The following P4HA3 variants were observed in gnomAD, a reference collection of about 807,000 sequenced individuals.
P4HA3 encodes prolyl 4-hydroxylase subunit alpha 3.
In P4HA3, 60 loss-of-function variants were observed where a neutral mutation model predicts 66.7. That is an observed-to-expected ratio of 0.90 (90% CI 0.73 to 1.12). The LOEUF is 1.12. Ranked by LOEUF, P4HA3 falls within the 50% of genes most tolerant of loss-of-function variation. The pLI, the probability that P4HA3 is intolerant of heterozygous loss-of-function variation, is 0.00. For synonymous variants in P4HA3, 263 were observed against 274.6 expected, an observed-to-expected ratio of 0.96 and a Z score of 0.42; for missense variants, 683 against 685.8, an observed-to-expected ratio of 1.00 and a Z score of 0.05.
intron 1 of P4HA3, among the ~76,000 whole-genome samples, chr11:74,305,811 A>G (rs575556606): frequency 6.6e-6 from 1 of 152,322 alleles, no homozygotes; most frequent in East Asian, 1.9e-4. Flanking sequence ...AGAATGAAGT[A>G]TACTCTCCTA....
chr11:74,252,549 G>A, intron 15 of P4HA3: 1 of 454,790 alleles, frequency 2.2e-6, no homozygotes, highest in Non-Finnish European at 4.4e-6. Flanking sequence ...GATCCTGGAA[G>A]CTCTAGAGCA....
At position 74,311,410 on chromosome 11, in the gene P4HA3, A is replaced by G; in HGVS notation, c.200+2T>C. On this transcript the variant is annotated splice_donor_variant, in intron 1 of 12. Coordinates refer to ENST00000331597, the MANE Select transcript of P4HA3 (RefSeq NM_182904.5). LOFTEE classifies it high-confidence loss of function. Reference sequence around the variant, plus strand: ...GGTCGCTCCCACTCGTCGTGCCCTCACCTAGTCAGGTCCCGCAGCCGCGCC... The same window carrying G: ...GGTCGCTCCCACTCGTCGTGCCCTCGCCTAGTCAGGTCCCGCAGCCGCGCC... 1 of 1,511,936 alleles carries G rather than the reference A, an allele frequency of 6.6e-7. No homozygotes were observed. The highest frequency in any genetic ancestry group is 8.8e-7 in the Non-Finnish European group (1 of 1,137,838). 93.7% of individuals were successfully genotyped at this position (1,511,936 alleles called of 1,614,324 possible).
intron 4 of P4HA3, 74 bp from the exon 5 acceptor site, chr11:74,289,204 TAAA>T: frequency 1.8e-5 from 16 of 875,682 alleles, no homozygotes; most frequent in Admixed American, 1.2e-4. Flanking sequence ...ACCATTAAAT[TAAA>T]AAAAAAAAAA....
rs779643516 is a variant in P4HA3, at chr11:74,286,270, G to T, written c.891C>A (p.Thr297=). The T allele has an allele frequency of 7.4e-6, 12 of 1,613,046 alleles. No homozygotes were observed. In the South Asian group the frequency reaches 1.1e-4, roughly 15 times the overall value. ...GACATAGCCCCTCGTAGGTGTCTCTGGTCTGCAGGTGGGGTATATTGGGCC... is the reference window on the plus strand; with the variant it reads ...GACATAGCCCCTCGTAGGTGTCTCTTGTCTGCAGGTGGGGTATATTGGGCC... ...IQRPNIPHLQ[T]RDTYEGLCQT... The change falls in exon 6 of 13, where the codon ACC becomes ACA. Residue 297 remains threonine, a synonymous_variant. Transcript: ENST00000331597.
In P4HA3 at chr11:74,253,587, G is replaced by A. The variant is rs1859760320; in HGVS notation, c.*1319-5586C>T. 3 of 1,479,820 alleles carry A rather than the reference G, an allele frequency of 2.0e-6. No homozygotes were observed. The East Asian group carries it at 6.8e-5, about 33-fold the overall frequency. 91.7% of individuals were successfully genotyped at this position (1,479,820 alleles called of 1,614,324 possible). ...CACCAGAGGCCACTGTGATGCCACT[G>A]TCTCCTCTCCATCCCGCCCAGCCAT... On this transcript the variant is annotated intron_variant and NMD_transcript_variant, in intron 15 of 15. Coordinates refer to the P4HA3 transcript ENST00000524388.
chr11:74,300,059 T>C (rs77231588), intron 3 of P4HA3, among the ~76,000 whole-genome samples: 1 of 152,212 alleles, frequency 6.6e-6, no homozygotes. Context: ...AGTATAGGGT[T>C]TGAATCTGCA....
At chr11:74,309,310 T>C (rs1318090107) in intron 1 of P4HA3, among the ~76,000 whole-genome samples, 1 of 152,178 alleles carries the variant, frequency 6.6e-6, no homozygotes, top group Non-Finnish European at 1.5e-5. Context: ...AGATGAGATA[T>C]GGTTTGTATG....
intron 7 of P4HA3, among the ~76,000 whole-genome samples, chr11:74,284,039 C>T (rs1481150796): frequency 6.6e-6 from 1 of 152,248 alleles, no homozygotes; most frequent in Non-Finnish European, 1.5e-5. Context: ...GTCTGGCACA[C>T]AGTGGGCTCT....
chr11:74,252,773 A>G lies in P4HA3; in HGVS notation c.*1319-4772T>C, dbSNP rs147690275. 3.3e-3 allele frequency among the ~76,000 whole-genome samples: 497 copies of G among 152,276 alleles called. 1 individual carries two copies. Among genetic ancestry groups the G allele is most frequent in the Admixed American group, 6.7e-3 (102 of 15,300 alleles). On this transcript the variant is annotated intron_variant and NMD_transcript_variant, in intron 15 of 15. Transcript: ENST00000524388. Reference sequence around the variant, plus strand: ...GCAAAAATTCCCCCTCTATTGGTCTAGAGGAAGAAACAGGGCCAGGTCTCT... The same window carrying G: ...GCAAAAATTCCCCCTCTATTGGTCTGGAGGAAGAAACAGGGCCAGGTCTCT...
In P4HA3 at chr11:74,302,543, C is replaced by A. The variant is rs1159720229; in HGVS notation, c.393G>T (p.Glu131Asp). 5 of 1,614,212 alleles carry A rather than the reference C, an allele frequency of 3.1e-6. No individual in the cohort carries two copies. The highest frequency in any genetic ancestry group is 4.2e-6 in the Non-Finnish European group (5 of 1,180,028). ...EKVEQDLPAF[E>D]DLEGAARALM... is the part of the protein sequence containing the mutation. ...GGGCCCTTGCTGCTCCCTCAAGGTC[C>A]TCAAAGGCTGGAAGGTCTTGCTCCA... The change falls in exon 3 of 13, where the codon GAG becomes GAT. Residue 131 changes from glutamate to aspartate, a missense_variant. By Grantham distance (45) the Glu-to-Asp change is conservative (BLOSUM62 2). Coordinates refer to ENST00000331597, the MANE Select transcript of P4HA3 (RefSeq NM_182904.5).
At chr11:74,295,783 A>G (rs952851085) in intron 4 of P4HA3, among the ~76,000 whole-genome samples, 5 of 152,146 alleles carry the variant, frequency 3.3e-5, no homozygotes, top group African/African-American at 7.2e-5. Context: ...GGACAAATAC[A>G]TTGTTTCTAA....
chr11:74,252,636 G>A (rs1859732324), intron 15 of P4HA3: 1 of 422,526 alleles, frequency 2.4e-6, no homozygotes, highest in African/African-American at 2.0e-5. Flanking sequence ...TGCATTGTAG[G>A]ATGCTTAGCA....
rs769744321 is a variant in P4HA3 at position 74,304,272 on chromosome 11, C to T, written c.341G>A (p.Arg114Gln). ...CCTCCAGCCCTCCTCCTCATTACCT[C>T]GGATGTTCTCACTGGCCTCCAGACT... ...VHSLEASENI[R>Q]ALKDGYEKVE... Residue 114 changes from arginine to glutamine, a missense_variant and splice_region_variant, in exon 2 of 13, where the codon CGA becomes CAA. By Grantham distance (43) the Arg-to-Gln change is conservative (BLOSUM62 1). Coordinates refer to ENST00000331597, the MANE Select transcript of P4HA3 (RefSeq NM_182904.5). The T allele has an allele frequency of 8.1e-6, 13 of 1,613,802 alleles. No homozygotes were observed. Among genetic ancestry groups the T allele is most frequent in the East Asian group, 2.2e-5 (1 of 44,876 alleles).
At chr11:74,274,135 C>G (rs954772801) in intron 9 of P4HA3, among the ~76,000 whole-genome samples, 8 of 152,066 alleles carry the variant, frequency 5.3e-5, no homozygotes, top group African/African-American at 1.9e-4. Context: ...TGCTGAAAAG[C>G]TCCTTCATGC....
chr11:74,253,937 A>G (rs1023593164), intron 15 of P4HA3: 14 of 229,030 alleles, frequency 6.1e-5, no homozygotes, highest in South Asian at 1.3e-4. Context: ...GGGATGGACA[A>G]TGCATGGGGT....
chr11:74,279,310 G>T, intron 8 of P4HA3, 78 bp downstream of exon 8: 2 of 1,336,628 alleles, frequency 1.5e-6, no homozygotes, highest in Non-Finnish European at 2.2e-6. Context: ...TCCCTGAATG[G>T]CTGTTGCTGA....
intron 4 of P4HA3, among the ~76,000 whole-genome samples, chr11:74,291,981 C>T (rs991837118): frequency 7.5e-5 from 11 of 146,182 alleles, no homozygotes; most frequent in African/African-American, 2.8e-4. Flanking sequence ...GGGAGGATTC[C>T]CTCTTTTTCT....
chr11:74,310,540 G>C (rs1374589184), intron 1 of P4HA3, among the ~76,000 whole-genome samples: 1 of 152,230 alleles, frequency 6.6e-6, no homozygotes, highest in East Asian at 1.9e-4. Context: ...AAGAACTGAA[G>C]ACGTAGACGG....
At chr11:74,258,921 TAAG>T (rs1859866129) in intron 15 of P4HA3, among the ~76,000 whole-genome samples, 1 of 152,172 alleles carries the variant, frequency 6.6e-6, no homozygotes, top group Non-Finnish European at 1.5e-5. Context: ...GCCATGGTGC[TAAG>T]AAGATAAGGG....
Sources: allele counts gnomAD v4.1 joint callset (sites outside exome capture counted in the v4.1 genomes callset), GRCh38; gene constraint gnomAD v4.1.1; transcripts MANE v1.5; gene names NCBI Gene and HGNC (gene_info 2026-07-23, HGNC 2026-07-21).